APC2: variants seen among roughly 807,000 people sequenced by gnomAD.
The protein encoded by APC2 is adenomatous polyposis coli protein 2.
Under a neutral mutation model 72.5 loss-of-function variants are expected in APC2, and 41 were observed. The ratio of observed to expected loss-of-function variants is 0.57; its 90% CI spans 0.44 to 0.73. APC2 has a LOEUF of 0.73. Ranked by LOEUF, APC2 falls within the 30% of genes least tolerant of loss-of-function variation. The pLI is 0.00. For missense variants in APC2, 3,729 were observed against 3,403.4 expected (o/e 1.10, Z -2.38); for synonymous variants, 1,898 against 1,612.0 (o/e 1.18, Z -4.25).
Position 1,461,155 on chromosome 19 carries a change from TG to T in APC2, c.1638+5del. On this transcript the variant is annotated splice_donor_region_variant and intron_variant, in intron 13 of 14. Coordinates refer to ENST00000590469, the MANE Select transcript of APC2 (RefSeq NM_005883.3). ...CAGTGTGTCCTGCGGGCCACCAAGGTGGGCACCCGGTGGGCGGCAGGGATGC... is the reference window on the plus strand; with the variant it reads ...CAGTGTGTCCTGCGGGCCACCAAGGTGGCACCCGGTGGGCGGCAGGGATGC... The T allele has an allele frequency of 6.2e-7, 1 of 1,608,438 alleles. No individual in the cohort carries two copies.
At position 1,467,905 on chromosome 19, in the gene APC2, G is replaced by A. The variant is rs755949052; in HGVS notation, c.4604G>A (p.Arg1535His). The A allele has an allele frequency of 4.4e-6, 7 of 1,583,104 alleles. No individual in the cohort carries two copies. The highest frequency in any genetic ancestry group is 2.3e-5 in the East Asian group (1 of 43,458). ...CACCGGCGCACATCGGCCATCCCTCGCGCTTTTACGCGGGAGCGTCCGCAG... is the reference window on the plus strand; with the variant it reads ...CACCGGCGCACATCGGCCATCCCTCACGCTTTTACGCGGGAGCGTCCGCAG... ...PTHRRTSAIP[R>H]AFTRERPQGR... Residue 1535 changes from arginine to histidine, a missense_variant, in exon 15 of 15, where the codon CGC (arginine) becomes CAC (histidine). By Grantham distance (29) the Arg-to-His change is conservative (BLOSUM62 0). Coordinates refer to ENST00000590469, the MANE Select transcript of APC2 (RefSeq NM_005883.3).
upstream of APC2, chr19:1,450,059 G>A (rs578205784): frequency 2.8e-5 from 25 of 908,830 alleles, no homozygotes; most frequent in South Asian, 1.1e-3. Flanking sequence ...GCACCAGCCC[G>A]TCTTCCCGCG....
rs138183595 is a variant in APC2 at position 1,452,473 on chromosome 19, G to A, written c.-18-511G>A. On this transcript the variant is annotated intron_variant, in intron 1 of 14. Coordinates refer to ENST00000590469, the MANE Select transcript of APC2 (RefSeq NM_005883.3). This position sits in a 1 kb window ranked among gnomAD's most constrained non-coding sequence, Gnocchi z 5.1. ...TCATTGTCCATCGGCAGGGACAGCTGGTGGTCTGTCCGCCCCGCGTGTCTG... is the reference window on the plus strand; with the variant it reads ...TCATTGTCCATCGGCAGGGACAGCTAGTGGTCTGTCCGCCCCGCGTGTCTG... 6.1e-6 allele frequency: 1 copy of A among 164,566 alleles called. No individual in the cohort carries two copies. Among genetic ancestry groups the A allele is most frequent in the East Asian group, 1.8e-4 (1 of 5,424 alleles). The allele number at this position is 164,566 out of a possible 1,614,324, so 10.2% of individuals were successfully genotyped here.
In APC2 at chr19:1,469,360, C is replaced by A; in HGVS notation, c.6059C>A (p.Ala2020Asp). The change falls in exon 15 of 15, where the codon GCC becomes GAC. Residue 2020 changes from alanine to aspartate, a missense_variant. Ala to Asp is a moderately radical substitution (Grantham distance 126, BLOSUM62 -2). Transcript: ENST00000590469. ...ELSSAESAAS[A>D]PQGASPRRGR... Reference sequence around the variant, plus strand: ...TCCTCGGCCGAGTCCGCGGCCTCTGCCCCCCAGGGCGCCTCGCCCCGCCGC... The same window carrying A: ...TCCTCGGCCGAGTCCGCGGCCTCTGACCCCCAGGGCGCCTCGCCCCGCCGC... 5 of 1,270,336 alleles carry A rather than the reference C, an allele frequency of 3.9e-6. No homozygotes were observed. In the South Asian group the frequency reaches 6.4e-5, roughly 16 times the overall value. 78.7% of individuals were successfully genotyped at this position (1,270,336 alleles called of 1,614,324 possible).
chr19:1,463,387 C>T, intron 14 of APC2, among the ~76,000 whole-genome samples: 1 of 148,584 alleles, frequency 6.7e-6, no homozygotes, highest in East Asian at 2.0e-4. Context: ...CACTGCATTC[C>T]AGCCTGGGCG....
Position 1,453,586 on chromosome 19 carries a change from C to A in APC2, c.388C>A (p.Leu130Met). The change falls in exon 4 of 15, where the codon CTG becomes ATG. Residue 130 changes from leucine (L) to methionine (M), a missense_variant. Transcript: ENST00000590469. ...GGAGCTGAGCCGGGCCACCATCCGGCTGCTGGAGGAACTGGACCGGGAACG... is the reference window on the plus strand; with the variant it reads ...GGAGCTGAGCCGGGCCACCATCCGGATGCTGGAGGAACTGGACCGGGAACG... ...FGELSRATIRLLEELDRERCF... is the reference protein window; with the variant it reads ...FGELSRATIRMLEELDRERCF... 6.2e-7 allele frequency: 1 copy of A among 1,606,838 alleles called. No individual in the cohort carries two copies. The highest frequency in any genetic ancestry group is 8.5e-7 in the Non-Finnish European group (1 of 1,177,450).
chr19:1,454,305 C>T (rs974978026), intron 4 of APC2, among the ~76,000 whole-genome samples: 1 of 151,852 alleles, frequency 6.6e-6, no homozygotes, highest in Non-Finnish European at 1.5e-5. Context: ...GTGTTAGAGG[C>T]AGGACAGCCT....
rs1188716452 is a variant in APC2 at position 1,471,576 on chromosome 19, G to C, written c.*1363G>C. On this transcript the variant is annotated 3_prime_UTR_variant, in exon 15 of 15. Transcript: ENST00000590469. Reference sequence around the variant, plus strand: ...CTGGGGCAACGCCTCGTCCTGCAGAGGGAGCCGACGACCTCTTTTCTGCAG... The same window carrying C: ...CTGGGGCAACGCCTCGTCCTGCAGACGGAGCCGACGACCTCTTTTCTGCAG... 2 of 152,230 alleles carry C rather than the reference G, an allele frequency of 1.3e-5. No homozygotes were observed. The highest frequency in any genetic ancestry group is 2.1e-4 in the South Asian group (1 of 4,834). The allele number at this position is 152,230 out of a possible 1,614,324, so 9.4% of individuals were successfully genotyped here.
At chr19:1,458,351 A>AAGAT (rs373478953) in intron 10 of APC2, 5 of 454,236 alleles carry the variant, frequency 1.1e-5, no homozygotes, top group Admixed American at 7.6e-5. Context: ...CAGAAGGGCA[A>AAGAT]AGATAGATAG....
At chr19:1,461,502 G>GT (rs1471794016) in intron 13 of APC2, 3 of 384,648 alleles carry the variant, frequency 7.8e-6, no homozygotes, top group Non-Finnish European at 1.4e-5. Context: ...CTAGGAGGCG[G>GT]AGGTTGCGCC....
Position 1,472,919 on chromosome 19 carries a change from GCCC to G in APC2, c.*2709_*2711del, listed in dbSNP as rs1434142301. The G allele has an allele frequency of 6.6e-6, 1 of 152,318 alleles. No individual in the cohort carries two copies. Among genetic ancestry groups the G allele is most frequent in the African/African-American group, 2.4e-5 (1 of 41,446 alleles). 9.4% of individuals were successfully genotyped at this position (152,318 alleles called of 1,614,324 possible). On this transcript the variant is annotated 3_prime_UTR_variant, in exon 15 of 15. Coordinates refer to ENST00000590469, the MANE Select transcript of APC2 (RefSeq NM_005883.3). ...GGCTGATGGACAGTGACCGCCACTGGCCCCCAACATGACCACACGTGGGTGCTG... is the reference window on the plus strand; with the variant it reads ...GGCTGATGGACAGTGACCGCCACTGGCCAACATGACCACACGTGGGTGCTG...
At chr19:1,454,581 T>TTTTTTTTTTTTTTTTTG in intron 4 of APC2, among the ~76,000 whole-genome samples, 1 of 148,708 alleles carries the variant, frequency 6.7e-6, no homozygotes, top group Non-Finnish European at 1.5e-5. Context: ...TTTTTTTTTT[T>TTTTTTTTTTTTTTTTTG]GAGACGGAGT....
upstream of APC2, among the ~76,000 whole-genome samples, chr19:1,447,818 T>C (rs2083700674): frequency 6.6e-6 from 1 of 152,156 alleles, no homozygotes; most frequent in Non-Finnish European, 1.5e-5. Flanking sequence ...GAGGCCTGGC[T>C]GGCACAGGTG....
At position 1,470,039 on chromosome 19, in the gene APC2, C is replaced by G; in HGVS notation, c.6738C>G (p.His2246Gln). The change falls in exon 15 of 15, where the codon CAC becomes CAG. Residue 2246 changes from histidine (H) to glutamine (Q), a missense_variant. Physicochemically the swap from His to Gln is conservative, Grantham distance 24. Coordinates refer to ENST00000590469, the MANE Select transcript of APC2 (RefSeq NM_005883.3). The stretch of plus-strand genomic sequence containing the variant: ...CTCCCATCTCCGCACCCTTCGTGCA[C>G]GAGGGCCTGGGGGTCGCCGTGGGGG... ...AKAPISAPFV[H>Q]EGLGVAVGGF... 2 of 1,569,136 alleles carry G rather than the reference C, an allele frequency of 1.3e-6. No individual in the cohort carries two copies. The highest frequency in any genetic ancestry group is 1.7e-6 in the Non-Finnish European group (2 of 1,162,858).
Position 1,460,279 on chromosome 19 carries a change from A to G in APC2, c.1402A>G (p.Met468Val). Reference protein sequence around the residue: ...LNLALRRYAGMTLTNLTFGDV... With the variant: ...LNLALRRYAGVTLTNLTFGDV... ...CCTGGCGCTGCGCCGCTACGCGGGC[A>G]TGACCCTCACCAACCTCACCTTTGG... is the stretch of plus-strand genomic sequence containing the variant. The change falls in exon 11 of 15, where the codon ATG becomes GTG. Residue 468 changes from methionine to valine, a missense_variant. Physicochemically the swap from Met to Val is conservative, Grantham distance 21. Transcript: ENST00000590469. 6.2e-7 allele frequency: 1 copy of G among 1,613,566 alleles called. No individual in the cohort carries two copies. The highest frequency in any genetic ancestry group is 8.5e-7 in the Non-Finnish European group (1 of 1,180,022).
At chr19:1,460,759 C>T (rs778299477) in intron 11 of APC2, 21 bp from the exon 12 acceptor site, 19 of 1,609,108 alleles carry the variant, frequency 1.2e-5, no homozygotes, top group South Asian at 4.4e-5. Flanking sequence ...CCCGTGACCC[C>T]GGCTGCATAA....
At position 1,467,614 on chromosome 19, in the gene APC2, C is replaced by T. The variant is rs954475938; in HGVS notation, c.4313C>T (p.Ala1438Val). ...PTGRPTSARQ[A>V]MGHRHKAGGA... ...GGCCGCCCCACCTCTGCCAGACAGGCCATGGGGCACCGGCACAAGGCGGGA... is the reference window on the plus strand; with the variant it reads ...GGCCGCCCCACCTCTGCCAGACAGGTCATGGGGCACCGGCACAAGGCGGGA... The change falls in exon 15 of 15, where the codon GCC becomes GTC. Residue 1438 changes from alanine to valine, a missense_variant. By Grantham distance (64) the Ala-to-Val change is moderately conservative (BLOSUM62 0). Transcript: ENST00000590469. 3.3e-6 allele frequency: 5 copies of T among 1,497,388 alleles called. No homozygotes were observed. The South Asian group carries it at 5.0e-5, about 15-fold the overall frequency. The allele number at this position is 1,497,388 out of a possible 1,614,324, so 92.8% of individuals were successfully genotyped here.
chr19:1,450,111 T>A (rs542726927), upstream of APC2: 1 of 981,742 alleles, frequency 1.0e-6, no homozygotes, highest in African/African-American at 1.8e-5. Context: ...TCCCGCATCC[T>A]CCCCCGCTCG....
chr19:1,466,118 C>T lies in APC2; in HGVS notation c.2817C>T (p.Arg939=). The T allele has an allele frequency of 6.4e-7, 1 of 1,564,198 alleles. No individual in the cohort carries two copies. The highest frequency in any genetic ancestry group is 1.2e-5 in the South Asian group (1 of 86,566). ...SGSASDGYCP[R]EHMLPCPLAA... ...GTGCCAGCGACGGGTACTGCCCACG[C>T]GAACATATGCTGCCCTGCCCGCTGG... The change falls in exon 15 of 15, where the codon CGC becomes CGT. Residue 939 remains arginine (R), a synonymous_variant. Transcript: ENST00000590469.
Sources: gnomAD v4.1 joint callset for allele counts (sites outside exome capture counted in the v4.1 genomes callset) on GRCh38, gnomAD v4.1.1 for gene constraint, Gnocchi (gnomAD v3.1) non-coding constraint, MANE v1.5 for transcripts, NCBI Gene and HGNC (gene_info 2026-07-23, HGNC 2026-07-21) for gene names.